ADK: variants seen among roughly 807,000 people sequenced by gnomAD.
ADK encodes the protein N6,N6-dimethyladenosine kinase.
ADK carries 24 observed loss-of-function variants against 44.7 expected under a neutral mutation model. That is an observed-to-expected ratio of 0.54 (90% confidence interval 0.39 to 0.76). The LOEUF is 0.76. ADK is among the 30% of genes least tolerant of loss of function. The probability of loss-of-function intolerance (pLI) is 0.00; values close to 1 mark genes in which losing one functional copy is unlikely to be tolerated. For synonymous variants in ADK, 128 were observed against 142.6 expected, an observed-to-expected ratio of 0.90 and a Z score of 0.73; for missense variants, 321 against 425.1, an observed-to-expected ratio of 0.76 and a Z score of 2.15.
chr10:74,365,162 A>G (rs1592105735), intron 4 of ADK, among the ~76,000 whole-genome samples: 1 of 150,918 alleles, frequency 6.6e-6, no homozygotes, highest in African/African-American at 2.4e-5. Context: ...AAAGTATACA[A>G]TTCAGTGGCA....
At chr10:74,399,685 A>G (rs925676841) in intron 6 of ADK, among the ~76,000 whole-genome samples, 1 of 151,902 alleles carries the variant, frequency 6.6e-6, no homozygotes, top group Non-Finnish European at 1.5e-5. Flanking sequence ...AAATCTTGAT[A>G]CTGTATTTCT....
At chr10:74,587,737 GTT>G (rs201515084) in intron 7 of ADK, among the ~76,000 whole-genome samples, 5 of 138,766 alleles carry the variant, frequency 3.6e-5, no homozygotes, top group Non-Finnish European at 3.1e-5. Context: ...GTTGTCTGCA[GTT>G]TTTTTTTTTT....
intron 6 of ADK, among the ~76,000 whole-genome samples, chr10:74,507,865 G>T (rs574368423): frequency 6.6e-6 from 1 of 152,048 alleles, no homozygotes; most frequent in African/African-American, 2.4e-5. Flanking sequence ...CATATTATGG[G>T]CATTCAAAGA....
intron 6 of ADK, among the ~76,000 whole-genome samples, chr10:74,416,361 C>T (rs1298447830): frequency 2.0e-5 from 3 of 151,930 alleles, no homozygotes; most frequent in Non-Finnish European, 2.9e-5. Context: ...TCTTTCTTCA[C>T]CTTGGAAATA....
chr10:74,610,061 A>G (rs927387730), intron 9 of ADK, among the ~76,000 whole-genome samples: 1 of 152,160 alleles, frequency 6.6e-6, no homozygotes, highest in African/African-American at 2.4e-5. Flanking sequence ...GCAATTCCAC[A>G]GCAGAGTATA....
At position 74,657,695 on chromosome 10, in the gene ADK, A is replaced by T. The variant is rs560201485; in HGVS notation, c.878-12488A>T. 4.6e-5 allele frequency among the ~76,000 whole-genome samples: 7 copies of T among 152,354 alleles called. No homozygotes were observed. In the East Asian group the frequency reaches 1.3e-3, roughly 29 times the overall value. ...TCACTATATTCAGCAATAATTGTTA[A>T]TTGAGCACCTACTCTGTACTAGATA... On this transcript the variant is annotated intron_variant, in intron 9 of 10. Coordinates refer to ENST00000539909, the MANE Select transcript of ADK (RefSeq NM_006721.4).
chr10:74,590,583 C>T (rs913953136), intron 8 of ADK, among the ~76,000 whole-genome samples: 18 of 152,134 alleles, frequency 1.2e-4, no homozygotes, highest in Non-Finnish European at 2.9e-5. Flanking sequence ...GGGAAACTTG[C>T]TTCTTTGTAC....
intron 2 of ADK, among the ~76,000 whole-genome samples, chr10:74,224,186 A>G (rs891796954): frequency 3.9e-5 from 6 of 152,228 alleles, no homozygotes; most frequent in African/African-American, 7.2e-5. Flanking sequence ...TGATTACTAT[A>G]TATTTAATGA....
At chr10:74,539,790 C>T (rs931003322) in intron 7 of ADK, among the ~76,000 whole-genome samples, 1 of 152,114 alleles carries the variant, frequency 6.6e-6, no homozygotes, top group African/African-American at 2.4e-5. Context: ...TAACATGGAA[C>T]TGTAACTTCG....
At chr10:74,577,934 T>C (rs1393040969) in intron 7 of ADK, among the ~76,000 whole-genome samples, 2 of 152,218 alleles carry the variant, frequency 1.3e-5, no homozygotes, top group Non-Finnish European at 2.9e-5. Context: ...TTTTTGTGTT[T>C]TATGTAGAGT....
At chr10:74,601,289 G>T (rs1255681603) in intron 9 of ADK, among the ~76,000 whole-genome samples, 1 of 151,984 alleles carries the variant, frequency 6.6e-6, no homozygotes, top group African/African-American at 2.4e-5. Context: ...CTTGAAAAAA[G>T]ATGTTATAGT....
At chr10:74,337,680 T>C (rs1841451155) in intron 4 of ADK, among the ~76,000 whole-genome samples, 1 of 152,180 alleles carries the variant, frequency 6.6e-6, no homozygotes, top group Non-Finnish European at 1.5e-5. Flanking sequence ...TTTTGTATAT[T>C]AATCTGTGTT....
chr10:74,228,290 A>C (rs912663011), intron 3 of ADK, among the ~76,000 whole-genome samples: 1 of 152,156 alleles, frequency 6.6e-6, no homozygotes, highest in African/African-American at 2.4e-5. Context: ...ATTATTCTAC[A>C]TACTGAAGAC....
intron 1 of ADK, among the ~76,000 whole-genome samples, chr10:74,175,066 C>A (rs763852579): frequency 1.3e-5 from 2 of 152,098 alleles, no homozygotes; most frequent in Admixed American, 6.6e-5. Context: ...ATGCAAGATT[C>A]CTGTAATTTT....
chr10:74,374,343 T>C (rs1236300340), intron 4 of ADK, among the ~76,000 whole-genome samples: 1 of 152,166 alleles, frequency 6.6e-6, no homozygotes, highest in Non-Finnish European at 1.5e-5. Context: ...TTTTACCCTT[T>C]GAATGGATTT....
rs116666844 is a variant in ADK, at chr10:74,458,927, A to C, written c.555+60348A>C. 7.5e-4 allele frequency among the ~76,000 whole-genome samples: 114 copies of C among 152,292 alleles called. 1 individual carries two copies. The highest frequency in any genetic ancestry group is 2.6e-3 in the African/African-American group (110 of 41,564). ...ACCAAAATATTTTAAAAACATACAC[A>C]TATATACTCTACCTTAACATATGGT... On this transcript the variant is annotated intron_variant, in intron 6 of 10. Coordinates refer to ENST00000539909, the MANE Select transcript of ADK (RefSeq NM_006721.4).
chr10:74,362,318 A>T (rs1023211616), intron 4 of ADK, among the ~76,000 whole-genome samples: 1 of 143,848 alleles, frequency 7.0e-6, no homozygotes, highest in Non-Finnish European at 1.5e-5. Context: ...TGATTCTTTT[A>T]TTTGGTTAAT....
rs375308366 is a variant in ADK, at chr10:74,311,527, G to A, written c.195-3140G>A. On this transcript the variant is annotated intron_variant, in intron 3 of 10. Coordinates refer to ENST00000539909, the MANE Select transcript of ADK (RefSeq NM_006721.4). Reference sequence around the variant, plus strand: ...GCTTGTAGGCTCTGTACTAACACAAGAAAGGGGAAGAAAAAAATTGTCCTT... The same window carrying A: ...GCTTGTAGGCTCTGTACTAACACAAAAAAGGGGAAGAAAAAAATTGTCCTT... Among the ~76,000 whole-genome samples, 23 of 152,094 alleles carry A rather than the reference G, an allele frequency of 1.5e-4. 1 individual carries two copies. The highest frequency in any genetic ancestry group is 8.3e-4 in the South Asian group (4 of 4,800).
chr10:74,504,900 C>T (rs562962863), intron 6 of ADK, among the ~76,000 whole-genome samples: 2 of 152,264 alleles, frequency 1.3e-5, no homozygotes, highest in South Asian at 2.1e-4. Context: ...TCAATTAAAC[C>T]TCTTTTCTTT....
Sources: gnomAD v4.1 joint callset for allele counts (sites outside exome capture counted in the v4.1 genomes callset) on GRCh38, gnomAD v4.1.1 for gene constraint, MANE v1.5 for transcripts, NCBI Gene and HGNC (gene_info 2026-07-23, HGNC 2026-07-21) for gene names.